AK2: variants seen among roughly 807,000 people sequenced by gnomAD.
AK2 encodes the protein adenylate kinase 2.
A neutral mutation model predicts 24.6 loss-of-function variants in AK2; 15 were observed. That is an observed-to-expected ratio of 0.61 (90% CI 0.41 to 0.94). The LOEUF (loss-of-function observed/expected upper bound fraction) is 0.94, where lower values mean the gene tolerates loss of function less well. Among genes scored for constraint, AK2 ranks in the 40% least tolerant of loss-of-function variants. The pLI, the probability that AK2 is intolerant of heterozygous loss-of-function variation, is 0.00. For missense variants in AK2, 257 were observed against 304.1 expected (o/e 0.85, Z 1.15); for synonymous variants, 102 against 114.0 (o/e 0.90, Z 0.67).
At chr1:33,035,511 A>C (rs1177724720) in intron 1 of AK2, among the ~76,000 whole-genome samples, 1 of 152,182 alleles carries the variant, frequency 6.6e-6, no homozygotes, top group Non-Finnish European at 1.5e-5. Context: ...ATTCCCTTTC[A>C]TTTGGGAGCT....
At chr1:33,019,856 G>GGTTA in intron 4 of AK2, 1 of 1,275,218 alleles carries the variant, frequency 7.8e-7, no homozygotes, top group Non-Finnish European at 9.9e-7. Flanking sequence ...AGTAAACAAT[G>GGTTA]GTTAACCTAC....
chr1:33,015,639 C>T (rs964659513), intron 4 of AK2, among the ~76,000 whole-genome samples: 1 of 152,200 alleles, frequency 6.6e-6, no homozygotes, highest in African/African-American at 2.4e-5. Flanking sequence ...GCCTGTGATC[C>T]CAACACTTTG....
At chr1:33,030,496 A>G (rs1021426201) in intron 1 of AK2, among the ~76,000 whole-genome samples, 21 of 152,092 alleles carry the variant, frequency 1.4e-4, no homozygotes, top group Non-Finnish European at 3.1e-4. Flanking sequence ...CGAGGCTTCA[A>G]TGAACTATGA....
Position 33,034,481 on chromosome 1 carries a change from CACACACATAT to C in AK2, c.93+2245_93+2254del, listed in dbSNP as rs1442120659. Among the ~76,000 whole-genome samples, 714 of 148,518 alleles carry C rather than the reference CACACACATAT, an allele frequency of 4.8e-3. 7 individuals carry two copies. The highest frequency in any genetic ancestry group is 0.018 in the African/African-American group (670 of 38,160). Reference sequence around the variant, plus strand: ...ACACACACACACACACACACACACACACACACATATATCATAATTTTCCAGTATCATTGTG... The same window carrying C: ...ACACACACACACACACACACACACACATCATAATTTTCCAGTATCATTGTG... On this transcript the variant is annotated intron_variant, in intron 1 of 5. Coordinates refer to ENST00000672715, the MANE Select transcript of AK2 (RefSeq NM_001625.4).
chr1:33,026,264 T>A (rs1639874619), intron 1 of AK2, among the ~76,000 whole-genome samples: 1 of 152,152 alleles, frequency 6.6e-6, no homozygotes, highest in Non-Finnish European at 1.5e-5. Context: ...AGTGGCACGA[T>A]CACGGCTCAC....
intron 1 of AK2, among the ~76,000 whole-genome samples, chr1:33,034,295 A>C (rs1407988103): frequency 6.6e-6 from 1 of 152,102 alleles, no homozygotes; most frequent in Non-Finnish European, 1.5e-5. Context: ...CATTAGTATA[A>C]TGTTCTTCTA....
At chr1:33,034,839 A>C (rs1226415440) in intron 1 of AK2, among the ~76,000 whole-genome samples, 3 of 152,102 alleles carry the variant, frequency 2.0e-5, no homozygotes, top group African/African-American at 7.2e-5. Flanking sequence ...GCCTGTGTCC[A>C]GGAGTTCAAT....
Position 33,021,443 on chromosome 1 carries a change from T to C in AK2, c.349A>G (p.Lys117Glu), listed in dbSNP as rs1340710121. The stretch of plus-strand genomic sequence containing the variant: ...ACAGAATCAAGCTTCTCTTTCCTCT[T>C]CTCCATGAGGTCATCGAGCTGTAAA... ...QAEMLDDLMEKRKEKLDSVIE... is the reference protein window; with the variant it reads ...QAEMLDDLMEERKEKLDSVIE... The change falls in exon 4 of 6, where the codon AAG (lysine) becomes GAG (glutamate). Residue 117 changes from lysine to glutamate, a missense_variant. Physicochemically the swap from Lys to Glu is moderately conservative, Grantham distance 56. Transcript: ENST00000672715. The C allele has an allele frequency of 7.4e-6, 12 of 1,613,940 alleles. No individual in the cohort carries two copies. In the Admixed American group the frequency reaches 2.0e-4, roughly 27 times the overall value.
At position 33,010,311 on chromosome 1, in the gene AK2, A is replaced by G. The variant is rs1387614827; in HGVS notation, c.*2870T>C. 6.6e-6 allele frequency: 3 copies of G among 455,872 alleles called. No homozygotes were observed. The highest frequency in any genetic ancestry group is 6.9e-5 in the East Asian group (1 of 14,462). The allele number at this position is 455,872 out of a possible 1,614,324, so 28.2% of individuals were successfully genotyped here. A position where few individuals can be genotyped will look rare whatever the true frequency, so the allele number is the denominator to read the frequency against. On this transcript the variant is annotated 3_prime_UTR_variant, in exon 6 of 6. Coordinates refer to ENST00000672715, the MANE Select transcript of AK2 (RefSeq NM_001625.4). ...CTTGATTTGTTGAGCCACCATCCCT[A>G]TGAATACACCTTACATCTCTTTCAA...
intron 5 of AK2, 44 bp downstream of exon 5, chr1:33,014,478 G>C (rs1256274911): frequency 6.9e-7 from 1 of 1,439,056 alleles, no homozygotes; most frequent in East Asian, 2.3e-5. Context: ...AGTGAAGAAA[G>C]GGGAAGGAAA....
intron 2 of AK2, among the ~76,000 whole-genome samples, chr1:33,022,351 CTTTTTTTTTTTTT>C (rs397862465): frequency 8.9e-6 from 1 of 112,370 alleles, no homozygotes; most frequent in Non-Finnish European, 1.8e-5. Flanking sequence ...TCTTCCCTCA[CTTTTTTTTTTTTT>C]TTTTTTTTTT....
At chr1:33,020,706 G>A (rs1437834339) in intron 4 of AK2, among the ~76,000 whole-genome samples, 1 of 152,014 alleles carries the variant, frequency 6.6e-6, no homozygotes, top group Non-Finnish European at 1.5e-5. Flanking sequence ...TTAGCTGGGC[G>A]TGGTGGTACA....
rs10399832 is a variant in AK2, at chr1:33,021,236, G to A, written c.425+131C>T. 1.1e-3 allele frequency: 874 copies of A among 826,932 alleles called. 14 individuals carry two copies. In the East Asian group the frequency reaches 0.02, roughly 19 times the overall value. The allele number at this position is 826,932 out of a possible 1,614,324, so 51.2% of individuals were successfully genotyped here. A position where few individuals can be genotyped will look rare whatever the true frequency, so the allele number is the denominator to read the frequency against. ...CCCGATCCCATCTCACCACTTCAGCGGATGTCACCAAATAAAATCAATCCA... is the reference window on the plus strand; with the variant it reads ...CCCGATCCCATCTCACCACTTCAGCAGATGTCACCAAATAAAATCAATCCA... On this transcript the variant is annotated intron_variant, in intron 4 of 5. Coordinates refer to ENST00000672715, the MANE Select transcript of AK2 (RefSeq NM_001625.4).
intron 2 of AK2, among the ~76,000 whole-genome samples, chr1:33,023,807 C>A (rs2124341217): frequency 6.6e-6 from 1 of 152,274 alleles, no homozygotes; most frequent in Non-Finnish European, 1.5e-5. Flanking sequence ...CACACCAGCA[C>A]AGAAAAACTT....
Position 33,036,670 on chromosome 1 carries a change from G to A in AK2, c.93+66C>T, listed in dbSNP as rs568451406. 2.9e-5 allele frequency: 42 copies of A among 1,450,364 alleles called. No individual in the cohort carries two copies. In the African/African-American group the frequency reaches 5.3e-4, roughly 18 times the overall value. The allele number at this position is 1,450,364 out of a possible 1,614,324, so 89.8% of individuals were successfully genotyped here. On this transcript the variant is annotated intron_variant, in intron 1 of 5. Coordinates refer to ENST00000672715, the MANE Select transcript of AK2 (RefSeq NM_001625.4). ...GCTCCGGGCAGGTCCAGGGCTTCTA[G>A]ATCTCCGGCCGCCTTGACCTTGGAG...
At position 33,011,838 on chromosome 1, in the gene AK2, C is replaced by A. The variant is rs1312376088; in HGVS notation, c.*1343G>T. ...ACAGGTGGTCTTATTTCTGGGTGATCTTTTCTTGGGGAAGTCCATGGCTAT... is the reference window on the plus strand; with the variant it reads ...ACAGGTGGTCTTATTTCTGGGTGATATTTTCTTGGGGAAGTCCATGGCTAT... On this transcript the variant is annotated 3_prime_UTR_variant, in exon 6 of 6. Coordinates refer to ENST00000672715, the MANE Select transcript of AK2 (RefSeq NM_001625.4). 5.9e-6 allele frequency: 9 copies of A among 1,517,400 alleles called. No individual in the cohort carries two copies. In the East Asian group the frequency reaches 2.0e-4, roughly 34 times the overall value. The allele number at this position is 1,517,400 out of a possible 1,614,324, so 94.0% of individuals were successfully genotyped here. A position where few individuals can be genotyped will look rare whatever the true frequency, so the allele number is the denominator to read the frequency against.
intron 4 of AK2, among the ~76,000 whole-genome samples, chr1:33,017,191 A>G (rs1639245177): frequency 6.6e-6 from 1 of 152,094 alleles, no homozygotes; most frequent in Admixed American, 6.6e-5. Context: ...GGTTATATTT[A>G]TTGGTGGTTT....
rs761899899 is a variant in AK2 at position 33,024,500 on chromosome 1, A to T, written c.161T>A (p.Val54Glu). 1 of 1,614,102 alleles carries T rather than the reference A, an allele frequency of 6.2e-7. No individual in the cohort carries two copies. Among genetic ancestry groups the T allele is most frequent in the South Asian group, 1.1e-5 (1 of 91,088 alleles). The change falls in exon 2 of 6, where the codon GTG becomes GAG. Residue 54 changes from valine (V) to glutamate (E), a missense_variant. By Grantham distance (121) the Val-to-Glu change is moderately radical. Transcript: ENST00000672715. Reference protein sequence around the residue: ...LATGDMLRAMVASGSELGKKL... With the variant: ...LATGDMLRAMEASGSELGKKL... ...TTTTCCTAGCTCTGAGCCAGAAGCC[A>T]CCATGGCCCTCAGCATGTCCCCAGT...
intron 1 of AK2, among the ~76,000 whole-genome samples, chr1:33,025,179 A>G (rs1310703350): frequency 7.7e-6 from 1 of 129,572 alleles, no homozygotes; most frequent in East Asian, 2.4e-4. Flanking sequence ...TGACAGTGAG[A>G]CTTCGTCTCA....
Sources: gnomAD v4.1 joint callset for allele counts (sites outside exome capture counted in the v4.1 genomes callset) on GRCh38, gnomAD v4.1.1 for gene constraint, MANE v1.5 for transcripts, NCBI Gene and HGNC (gene_info 2026-07-23, HGNC 2026-07-21) for gene names.